COL25A1: variants seen among roughly 807,000 people sequenced by gnomAD.
The protein encoded by COL25A1 is collagen alpha-1(XXV) chain.
A neutral mutation model predicts 128.4 loss-of-function variants in COL25A1; 103 were observed. That is an observed-to-expected ratio of 0.80 (90% CI 0.68 to 0.94). COL25A1 has a LOEUF of 0.94. COL25A1 is among the 40% of genes least tolerant of loss of function. The pLI is 0.00. For synonymous variants in COL25A1, 279 were observed against 277.2 expected, an observed-to-expected ratio of 1.01 and a Z score of -0.06; for missense variants, 745 against 840.0, an observed-to-expected ratio of 0.89 and a Z score of 1.40.
rs565077124 is a variant in COL25A1, at chr4:109,007,345, C to A, written c.438+3013G>T. Among the ~76,000 whole-genome samples, 5 of 152,232 alleles carry A rather than the reference C, an allele frequency of 3.3e-5. No homozygotes were observed. In the South Asian group the frequency reaches 1.0e-3, roughly 32 times the overall value. ...CATTAAGTGCTATTTAATTTCAAAT[C>A]TAACAATGGAAGTATCATAAATATG... On this transcript the variant is annotated intron_variant, in intron 6 of 37. Coordinates refer to ENST00000399132, the MANE Select transcript of COL25A1 (RefSeq NM_198721.4).
intron 3 of COL25A1, among the ~76,000 whole-genome samples, chr4:109,219,604 T>C (rs1300397703): frequency 1.3e-5 from 2 of 152,006 alleles, no homozygotes; most frequent in Admixed American, 6.6e-5. Context: ...TGTTTTAACC[T>C]CTCCTATAGC....
In COL25A1 at chr4:109,123,391, T is replaced by C. The variant is rs571792087; in HGVS notation, c.368-73212A>G. 1.3e-4 allele frequency among the ~76,000 whole-genome samples: 20 copies of C among 152,200 alleles called. 1 individual carries two copies. The South Asian group carries it at 2.5e-3, about 19-fold the overall frequency. Reference sequence around the variant, plus strand: ...CAAAATCATATCATTCTATTAAATATGTCCTCCTAAATGAAACCTTATTTT... The same window carrying C: ...CAAAATCATATCATTCTATTAAATACGTCCTCCTAAATGAAACCTTATTTT... On this transcript the variant is annotated intron_variant, in intron 3 of 37. Transcript: ENST00000399132.
intron 37 of COL25A1, 46 bp downstream of exon 37, chr4:108,817,351 A>G: frequency 6.3e-7 from 1 of 1,586,566 alleles, no homozygotes; most frequent in Non-Finnish European, 8.6e-7. Flanking sequence ...CCAGGTTAAG[A>G]GAAAGGGAGA....
At chr4:109,058,653 G>A (rs1761666392) in intron 3 of COL25A1, among the ~76,000 whole-genome samples, 2 of 152,196 alleles carry the variant, frequency 1.3e-5, no homozygotes, top group East Asian at 1.9e-4. Context: ...TAAAAAGTGG[G>A]CTAATAGAAA....
intron 20 of COL25A1, among the ~76,000 whole-genome samples, chr4:108,867,173 G>A (rs1738041528): frequency 6.6e-6 from 1 of 152,150 alleles, no homozygotes; most frequent in South Asian, 2.1e-4. Context: ...ACTCTCTACT[G>A]CTTGTGTTTT....
At chr4:109,211,924 TCA>T (rs1436388168) in intron 3 of COL25A1, among the ~76,000 whole-genome samples, 1 of 152,166 alleles carries the variant, frequency 6.6e-6, no homozygotes, top group African/African-American at 2.4e-5. Flanking sequence ...ATGTGGGCTT[TCA>T]CAGTCATAAG....
At chr4:109,268,890 T>C (rs989879574) in intron 3 of COL25A1, among the ~76,000 whole-genome samples, 17 of 152,186 alleles carry the variant, frequency 1.1e-4, no homozygotes, top group Admixed American at 9.2e-4. Flanking sequence ...GTTACCTCAC[T>C]GTTACCATCC....
At chr4:109,145,849 T>C (rs1267436512) in intron 3 of COL25A1, among the ~76,000 whole-genome samples, 2 of 151,870 alleles carry the variant, frequency 1.3e-5, no homozygotes, top group Non-Finnish European at 1.5e-5. Context: ...CTCAAAAAAA[T>C]AAAATAAATA....
At chr4:109,295,172 G>A (rs1724853984) in intron 3 of COL25A1, among the ~76,000 whole-genome samples, 1 of 152,072 alleles carries the variant, frequency 6.6e-6, no homozygotes. Context: ...AAAGAGAAAA[G>A]AGTAGTTTAA....
chr4:108,966,282 G>A (rs936435738), intron 8 of COL25A1, among the ~76,000 whole-genome samples: 9 of 152,172 alleles, frequency 5.9e-5, no homozygotes, highest in Admixed American at 5.9e-4. Flanking sequence ...TGGGTTGACA[G>A]TGTGTGGCCT....
chr4:109,233,871 T>G (rs1779309581), intron 3 of COL25A1, among the ~76,000 whole-genome samples: 1 of 152,050 alleles, frequency 6.6e-6, no homozygotes, highest in African/African-American at 2.4e-5. Flanking sequence ...TTCCATCTAC[T>G]CAACAATTTC....
chr4:109,204,449 A>G (rs980507881), intron 3 of COL25A1, among the ~76,000 whole-genome samples: 18 of 152,224 alleles, frequency 1.2e-4, no homozygotes, highest in Admixed American at 1.2e-3. Context: ...AAAATGGCCT[A>G]TATAATAGGC....
At chr4:108,873,815 T>C (rs1006529636) in intron 19 of COL25A1, among the ~76,000 whole-genome samples, 1 of 151,990 alleles carries the variant, frequency 6.6e-6, no homozygotes, top group Non-Finnish European at 1.5e-5. Flanking sequence ...ATCAGAACGG[T>C]GTAAGATAGA....
chr4:109,137,927 C>G (rs958022845), intron 3 of COL25A1, among the ~76,000 whole-genome samples: 1 of 151,600 alleles, frequency 6.6e-6, no homozygotes, highest in Non-Finnish European at 1.5e-5. Context: ...AATACATGCT[C>G]TAATTTAGAG....
chr4:108,843,943 G>A (rs1261207672), intron 30 of COL25A1, among the ~76,000 whole-genome samples: 1 of 151,844 alleles, frequency 6.6e-6, no homozygotes, highest in Non-Finnish European at 1.5e-5. Flanking sequence ...TGTCTCCCAG[G>A]CTAAAGGGCA....
chr4:108,821,871 T>A (rs928314525), intron 35 of COL25A1, among the ~76,000 whole-genome samples: 5 of 152,214 alleles, frequency 3.3e-5, no homozygotes, highest in African/African-American at 1.2e-4. Context: ...TTATTCGCAT[T>A]TAGAACCAAT....
At chr4:109,032,465 T>C (rs1447357275) in intron 5 of COL25A1, among the ~76,000 whole-genome samples, 2 of 152,222 alleles carry the variant, frequency 1.3e-5, no homozygotes, top group Admixed American at 6.5e-5. Context: ...AAGATTCCCA[T>C]ACTTTATTCT....
intron 3 of COL25A1, among the ~76,000 whole-genome samples, chr4:109,255,813 C>A (rs1225929559): frequency 3.9e-5 from 6 of 152,186 alleles, no homozygotes; most frequent in South Asian, 2.1e-4. Context: ...AATACTACAT[C>A]TGTTATATAC....
At chr4:109,184,986 A>C (rs530632356) in intron 3 of COL25A1, among the ~76,000 whole-genome samples, 139 of 152,234 alleles carry the variant, frequency 9.1e-4, no homozygotes, top group Non-Finnish European at 1.9e-3. Context: ...AAGATGAGTC[A>C]GTGGAAAAGT....
Sources: gnomAD v4.1 joint callset for allele counts (sites outside exome capture counted in the v4.1 genomes callset) on GRCh38, gnomAD v4.1.1 for gene constraint, MANE v1.5 for transcripts, NCBI Gene and HGNC (gene_info 2026-07-23, HGNC 2026-07-21) for gene names.